MAP3K19: variants seen among roughly 807,000 people sequenced by gnomAD.
The protein encoded by MAP3K19 is mitogen-activated protein kinase kinase kinase 19.
A neutral mutation model predicts 114.4 loss-of-function variants in MAP3K19; 91 were observed. That is an observed-to-expected ratio of 0.80 (90% confidence interval 0.67 to 0.95). MAP3K19 has a LOEUF of 0.95. Ranked by LOEUF, MAP3K19 falls within the 40% of genes least tolerant of loss-of-function variation. The pLI, the probability that MAP3K19 is intolerant of heterozygous loss-of-function variation, is 0.00. For missense variants in MAP3K19, 1,471 were observed against 1,573.2 expected, an observed-to-expected ratio of 0.94 and a Z score of 1.10; for synonymous variants, 518 against 530.5, an observed-to-expected ratio of 0.98 and a Z score of 0.32.
At chr2:135,007,972 T>C (rs1003052004) in intron 5 of MAP3K19, among the ~76,000 whole-genome samples, 2 of 152,256 alleles carry the variant, frequency 1.3e-5, no homozygotes, top group Non-Finnish European at 2.9e-5. Flanking sequence ...TTCTCTTAAG[T>C]ATTTAAAAAT....
chr2:134,967,658 A>G (rs1002390040), intron 12 of MAP3K19, among the ~76,000 whole-genome samples: 11 of 152,156 alleles, frequency 7.2e-5, no homozygotes, highest in South Asian at 2.1e-4. Flanking sequence ...TATTGCTCAC[A>G]TGTTCGTTGC....
At chr2:135,005,184 C>G (rs1448422556) in intron 6 of MAP3K19, among the ~76,000 whole-genome samples, 1 of 152,014 alleles carries the variant, frequency 6.6e-6, no homozygotes, top group Non-Finnish European at 1.5e-5. Context: ...CTCAGGGGTA[C>G]AAGTGCAGGT....
chr2:134,974,325 T>C (rs1684083572), intron 12 of MAP3K19, among the ~76,000 whole-genome samples: 1 of 152,184 alleles, frequency 6.6e-6, no homozygotes, highest in Non-Finnish European at 1.5e-5. Flanking sequence ...TATTATCTCA[T>C]TCTCTCCTGG....
chr2:134,991,716 G>T, intron 8 of MAP3K19, 136 bp from the exon 9 acceptor site: 1 of 703,774 alleles, frequency 1.4e-6, no homozygotes, highest in Non-Finnish European at 2.4e-6. Flanking sequence ...TTTCCCCTGT[G>T]GAATTCACAC....
At chr2:135,016,803 T>G (rs188426993) in intron 5 of MAP3K19, among the ~76,000 whole-genome samples, 3 of 152,322 alleles carry the variant, frequency 2.0e-5, no homozygotes, top group African/African-American at 7.2e-5. Context: ...TTTCCTATCC[T>G]TTATATTATC....
Position 134,987,723 on chromosome 2 carries a change from A to G in MAP3K19, c.1149T>C (p.Asp383=), listed in dbSNP as rs1685255800. 4.3e-6 allele frequency: 7 copies of G among 1,611,274 alleles called. No individual in the cohort carries two copies. The highest frequency in any genetic ancestry group is 5.9e-6 in the Non-Finnish European group (7 of 1,179,972). ...TTGGAATGGTACATACTATTTCTGG[A>G]TCTTGTTCATAGTTTTTGGCTACTG... is the stretch of plus-strand genomic sequence containing the variant. ...ESSVAKNYEQ[D]PEIVCTIPSK... The change falls in exon 10 of 13, where the codon GAT becomes GAC. Residue 383 remains aspartate, a synonymous_variant. Coordinates refer to ENST00000392915, the MANE Select transcript of MAP3K19 (RefSeq NM_025052.5).
At position 134,986,722 on chromosome 2, in the gene MAP3K19, GA is replaced by G. The variant is rs1051902829; in HGVS notation, c.2149del (p.Ser717LeufsTer7). The G allele has an allele frequency of 1.9e-6, 3 of 1,613,922 alleles. No homozygotes were observed. The highest frequency in any genetic ancestry group is 2.7e-5 in the African/African-American group (2 of 74,914). On this transcript the variant is annotated frameshift_variant, in exon 10 of 13. Coordinates refer to ENST00000392915, the MANE Select transcript of MAP3K19 (RefSeq NM_025052.5). LOFTEE classifies it high-confidence loss of function. Reference protein sequence around the residue: ...ERKSNIRTRLSQKKTHMKCPK... With the variant: ...ERKSNIRTRLXQKKTHMKCPK... ...GCATTTCATATGTGTTTTTTTCTGA[GA>G]AAGTCTTGTTCTGATATTGCTCTTC...
intron 5 of MAP3K19, among the ~76,000 whole-genome samples, chr2:135,007,310 T>C (rs1341869807): frequency 6.6e-6 from 1 of 152,204 alleles, no homozygotes; most frequent in Non-Finnish European, 1.5e-5. Flanking sequence ...TATGGGTACA[T>C]AGGTATATAT....
chr2:135,013,377 C>T (rs564651034), intron 5 of MAP3K19, among the ~76,000 whole-genome samples: 4 of 151,844 alleles, frequency 2.6e-5, no homozygotes, highest in Non-Finnish European at 5.9e-5. Flanking sequence ...ACCCCCTGCT[C>T]CCATACATGC....
intron 12 of MAP3K19, among the ~76,000 whole-genome samples, chr2:134,975,081 G>A (rs1029539441): frequency 3.9e-5 from 6 of 152,188 alleles, no homozygotes; most frequent in African/African-American, 1.4e-4. Flanking sequence ...TTTAGCCTGA[G>A]TGGTAGCAGT....
At chr2:134,976,335 G>A (rs962920800) in intron 12 of MAP3K19, among the ~76,000 whole-genome samples, 1 of 152,176 alleles carries the variant, frequency 6.6e-6, no homozygotes, top group East Asian at 1.9e-4. Flanking sequence ...GGACTAAAGG[G>A]TTCTCCCATG....
intron 3 of MAP3K19, among the ~76,000 whole-genome samples, chr2:135,027,141 A>G (rs1308971383): frequency 3.9e-5 from 6 of 152,062 alleles, no homozygotes; most frequent in Admixed American, 6.6e-5. Context: ...GCTACTCGAG[A>G]GGCTGAGGCA....
chr2:135,039,879 C>T (rs1465029440), intron 2 of MAP3K19, among the ~76,000 whole-genome samples: 1 of 152,116 alleles, frequency 6.6e-6, no homozygotes, highest in Admixed American at 6.5e-5. Context: ...ATTTATTAAC[C>T]CCTGGCTGGG....
chr2:134,972,226 C>A (rs1329531537), intron 12 of MAP3K19, among the ~76,000 whole-genome samples: 2 of 151,876 alleles, frequency 1.3e-5, no homozygotes. Flanking sequence ...ATTAACCATC[C>A]CTATCTGCCC....
At chr2:134,993,793 C>CT (rs1685783002) in intron 8 of MAP3K19, among the ~76,000 whole-genome samples, 1 of 152,096 alleles carries the variant, frequency 6.6e-6, no homozygotes, top group Non-Finnish European at 1.5e-5. Context: ...GTGTCAAAGC[C>CT]TTTTAAAAAT....
At chr2:135,010,273 A>G (rs1687129963) in intron 5 of MAP3K19, among the ~76,000 whole-genome samples, 2 of 152,222 alleles carry the variant, frequency 1.3e-5, no homozygotes, top group South Asian at 4.1e-4. Flanking sequence ...TCACAATCAA[A>G]AAGGATGTAG....
chr2:134,993,648 T>G (rs1573969966), intron 8 of MAP3K19, among the ~76,000 whole-genome samples: 1 of 152,316 alleles, frequency 6.6e-6, no homozygotes, highest in East Asian at 1.9e-4. Flanking sequence ...CCTGAATTTT[T>G]TAAAAAAACG....
chr2:135,021,843 A>C lies in MAP3K19; in HGVS notation c.23-13T>G. The C allele has an allele frequency of 6.7e-7, 1 of 1,495,872 alleles. No individual in the cohort carries two copies. The highest frequency in any genetic ancestry group is 2.3e-5 in the East Asian group (1 of 43,734). 92.7% of individuals were successfully genotyped at this position (1,495,872 alleles called of 1,614,324 possible). A position where few individuals can be genotyped will look rare whatever the true frequency, so the allele number is the denominator to read the frequency against. On this transcript the variant is annotated splice_polypyrimidine_tract_variant and intron_variant, in intron 4 of 12. Coordinates refer to ENST00000392915, the MANE Select transcript of MAP3K19 (RefSeq NM_025052.5). ...TCAGCATGTCTTTCTATCAAAAGAA[A>C]CATAATAGTATGTTTTGATAAGATT...
chr2:135,038,833 G>C (rs1367113719), intron 2 of MAP3K19, among the ~76,000 whole-genome samples: 3 of 151,936 alleles, frequency 2.0e-5, no homozygotes, highest in Non-Finnish European at 4.4e-5. Context: ...ACTCCAGCCT[G>C]GGCTACCGAG....
Sources: gnomAD v4.1 joint callset for allele counts (sites outside exome capture counted in the v4.1 genomes callset) on GRCh38, gnomAD v4.1.1 for gene constraint, MANE v1.5 for transcripts, NCBI Gene and HGNC (gene_info 2026-07-23, HGNC 2026-07-21) for gene names.